The following ICE2 variants were observed in gnomAD, a reference collection of about 807,000 sequenced individuals.
The protein encoded by ICE2 is interactor of little elongation complex ELL subunit 2.
A neutral mutation model predicts 105.4 loss-of-function variants in ICE2; 87 were observed. The observed-to-expected ratio is 0.83, with a 90% CI of 0.69 to 0.99. The LOEUF (loss-of-function observed/expected upper bound fraction) is 0.99, where lower values mean the gene tolerates loss of function less well. Among genes scored for constraint, ICE2 ranks in the 50% least tolerant of loss-of-function variants. The pLI is 0.00. For synonymous variants in ICE2, 399 were observed against 392.0 expected (o/e 1.02, Z -0.21); for missense variants, 1,323 against 1,146.7 (o/e 1.15, Z -2.22).
chr15:60,454,947 C>A, intron 8 of ICE2, 56 bp downstream of exon 8: 5 of 1,424,798 alleles, frequency 3.5e-6, no homozygotes, highest in Non-Finnish European at 1.9e-6. Flanking sequence ...TGAGTGAGAA[C>A]ATGCAGTCCA....
intron 5 of ICE2, among the ~76,000 whole-genome samples, chr15:60,457,424 G>A (rs2064156251): frequency 6.6e-6 from 1 of 152,112 alleles, no homozygotes; most frequent in African/African-American, 2.4e-5. Flanking sequence ...GTGGGGAAGA[G>A]TTGTTTGATT....
In ICE2 at chr15:60,455,041, C is replaced by T; in HGVS notation, c.905G>A (p.Trp302Ter). The change falls in exon 8 of 16, where the codon TGG (tryptophan) becomes TAG (stop). Residue 302 changes from tryptophan to a stop codon, truncating the protein, a stop_gained. Transcript: ENST00000261520. LOFTEE classifies it high-confidence loss of function. ...TACTTGAATACACACTGGAATTTCC[C>T]ACTGTTCCTTGTACGTTGGTCCATG... Reference protein sequence around the residue: ...NNHGPTYKEQWEIPVCIQVIP... With the variant: ...NNHGPTYKEQ 2 of 1,585,898 alleles carry T rather than the reference C, an allele frequency of 1.3e-6. No homozygotes were observed. The highest frequency in any genetic ancestry group is 1.7e-6 in the Non-Finnish European group (2 of 1,171,172).
chr15:60,461,272 A>G (rs560636325), intron 5 of ICE2, among the ~76,000 whole-genome samples: 244 of 152,332 alleles, frequency 1.6e-3, no homozygotes, highest in African/African-American at 5.7e-3. Flanking sequence ...AAAAATTTAA[A>G]AATACATCAC....
chr15:60,453,717 C>T lies in ICE2; in HGVS notation c.1011G>A (p.Glu337=), dbSNP rs780444900. 6.2e-7 allele frequency: 1 copy of T among 1,608,124 alleles called. No homozygotes were observed. The highest frequency in any genetic ancestry group is 1.1e-5 in the South Asian group (1 of 90,956). ...GAACTTCATGAAAGATTTGATTTCT[C>T]TCTCTCATAGTCATTTTCTTTTGGG... ...PLPQKKMTMR[E]RNQIFHEVPL... Residue 337 remains glutamate (E), a synonymous_variant, in exon 9 of 16, where the codon GAG becomes GAA. Coordinates refer to ENST00000261520, the MANE Select transcript of ICE2 (RefSeq NM_024611.6).
intron 2 of ICE2, among the ~76,000 whole-genome samples, chr15:60,477,109 C>G (rs2064783201): frequency 6.6e-6 from 1 of 152,112 alleles, no homozygotes; most frequent in African/African-American, 2.4e-5. Context: ...AGGCATTTAT[C>G]CAAAAAACTA....
chr15:60,452,991 G>A, intron 9 of ICE2: 2 of 975,824 alleles, frequency 2.0e-6, no homozygotes, highest in Non-Finnish European at 2.4e-6. Flanking sequence ...AGCACTTTGG[G>A]TGGCTGAGAT....
intron 13 of ICE2, among the ~76,000 whole-genome samples, chr15:60,434,548 C>G (rs1463348488): frequency 1.2e-5 from 1 of 83,598 alleles, no homozygotes; most frequent in Non-Finnish European, 2.8e-5. Context: ...CACACACACA[C>G]ACACACACAC....
chr15:60,442,637 G>C (rs2063742742), intron 11 of ICE2, 92 bp from the exon 12 acceptor site: 1 of 938,974 alleles, frequency 1.1e-6, no homozygotes, highest in Non-Finnish European at 1.6e-6. Context: ...CTTTCAAAAT[G>C]CTTTCAGGTA....
At chr15:60,472,752 C>T (rs2064639864) in intron 3 of ICE2, among the ~76,000 whole-genome samples, 1 of 152,048 alleles carries the variant, frequency 6.6e-6, no homozygotes, top group Non-Finnish European at 1.5e-5. Flanking sequence ...ATTCAGGTGG[C>T]TGAGGTAGGA....
chr15:60,438,038 G>A (rs1298828457), intron 12 of ICE2: 1 of 152,042 alleles, frequency 6.6e-6, no homozygotes, highest in Admixed American at 6.6e-5. Flanking sequence ...TCAATATGAT[G>A]CTTTTGTTAT....
chr15:60,475,415 C>G (rs1482258506), intron 3 of ICE2, among the ~76,000 whole-genome samples: 2 of 151,410 alleles, frequency 1.3e-5, no homozygotes. Context: ...GTATATCTTA[C>G]AGAAATAACT....
At chr15:60,460,497 C>T in intron 5 of ICE2, among the ~76,000 whole-genome samples, 1 of 151,938 alleles carries the variant, frequency 6.6e-6, no homozygotes. Flanking sequence ...GACTCCGTCT[C>T]CAAAAAAAAA....
chr15:60,477,890 C>T (rs1286475234), intron 2 of ICE2, 47 bp downstream of exon 2: 3 of 1,480,312 alleles, frequency 2.0e-6, no homozygotes. Context: ...CAACCATCAG[C>T]CCCACTACAC....
At chr15:60,435,553 C>G (rs4326990) in intron 13 of ICE2, among the ~76,000 whole-genome samples, 42,965 of 150,506 alleles carry the variant, frequency 0.29, 6,561 homozygotes, top group Middle Eastern at 0.45. Context: ...GAACTGAGAT[C>G]ACACCACTGC....
intron 13 of ICE2, 88 bp from the exon 14 acceptor site, chr15:60,432,072 A>C: frequency 1.6e-6 from 1 of 636,360 alleles, no homozygotes; most frequent in Non-Finnish European, 2.8e-6. Context: ...AAATGCCCTC[A>C]ATAACAACAA....
Position 60,420,076 on chromosome 15 carries a change from G to T in ICE2, c.*3558C>A, listed in dbSNP as rs1205042332. 1.3e-5 allele frequency: 2 copies of T among 151,932 alleles called. No homozygotes were observed. The highest frequency in any genetic ancestry group is 2.9e-5 in the Non-Finnish European group (2 of 68,006). The allele number at this position is 151,932 out of a possible 1,614,324, so 9.4% of individuals were successfully genotyped here. A position where few individuals can be genotyped will look rare whatever the true frequency, so the allele number is the denominator to read the frequency against. Reference sequence around the variant, plus strand: ...TTGTTGTTTTAAGTAGCTAAGTTTTGGGATAATTTATTATTCAGCAAATTG... The same window carrying T: ...TTGTTGTTTTAAGTAGCTAAGTTTTTGGATAATTTATTATTCAGCAAATTG... On this transcript the variant is annotated 3_prime_UTR_variant, in exon 16 of 16. Transcript: ENST00000261520.
intron 13 of ICE2, among the ~76,000 whole-genome samples, chr15:60,432,708 C>G (rs796109841): frequency 2.0e-5 from 3 of 151,860 alleles, no homozygotes; most frequent in South Asian, 2.1e-4. Context: ...CTGGCTAACA[C>G]AGTGAAACCT....
In ICE2 at chr15:60,422,754, G is replaced by C. The variant is rs752702824; in HGVS notation, c.*880C>G. The C allele has an allele frequency of 6.6e-6, 1 of 151,656 alleles. No individual in the cohort carries two copies. Among genetic ancestry groups the C allele is most frequent in the Non-Finnish European group, 1.5e-5 (1 of 68,070 alleles). The allele number at this position is 151,656 out of a possible 1,614,324, so 9.4% of individuals were successfully genotyped here. Reference sequence around the variant, plus strand: ...CTCGGGAGGATGAGGCAGGAGAATCGCTTTAATCCAGGAGGTGGATGTTGT... The same window carrying C: ...CTCGGGAGGATGAGGCAGGAGAATCCCTTTAATCCAGGAGGTGGATGTTGT... On this transcript the variant is annotated 3_prime_UTR_variant, in exon 16 of 16. Transcript: ENST00000261520.
chr15:60,449,020 T>G lies in ICE2; in HGVS notation c.1947A>C (p.Leu649Phe). The G allele has an allele frequency of 6.2e-7, 1 of 1,613,818 alleles. No homozygotes were observed. The highest frequency in any genetic ancestry group is 1.1e-5 in the South Asian group (1 of 91,054). ...GCTTTAAGAGCTCATCCTGCATTTT[T>G]AAAATCTCTCCAACTGGATCAAATT... ...YKKFDPVGEI[L>F]KMQDELLKPI... is the part of the protein sequence containing the mutation. Residue 649 changes from leucine to phenylalanine, a missense_variant, in exon 10 of 16, where the codon TTA becomes TTC. By Grantham distance (22) the Leu-to-Phe change is conservative (BLOSUM62 0). Transcript: ENST00000261520.
Sources: allele counts gnomAD v4.1 joint callset (sites outside exome capture counted in the v4.1 genomes callset), GRCh38; gene constraint gnomAD v4.1.1; transcripts MANE v1.5; gene names NCBI Gene and HGNC (gene_info 2026-07-23, HGNC 2026-07-21).